Variants in TBC1D1 observed in about 807,000 individuals in gnomAD.
The protein encoded by TBC1D1 is TBC1 domain family member 1.
In TBC1D1, 89 loss-of-function variants were observed where a neutral mutation model predicts 125.6. The observed-to-expected ratio is 0.71, with a 90% CI of 0.60 to 0.85. The LOEUF is 0.85. Ranked by LOEUF, TBC1D1 falls within the 40% of genes least tolerant of loss-of-function variation. TBC1D1 has a pLI of 0.00. For missense variants in TBC1D1, 1,377 were observed against 1,469.2 expected (o/e 0.94, Z 1.03); for synonymous variants, 565 against 564.1 (o/e 1.00, Z -0.02).
intron 2 of TBC1D1, among the ~76,000 whole-genome samples, chr4:37,936,546 C>T (rs955272639): frequency 6.6e-6 from 1 of 152,142 alleles, no homozygotes; most frequent in African/African-American, 2.4e-5. Context: ...TGATGAATGA[C>T]CATTCATGGA....
chr4:38,051,042 G>A (rs1225049015), intron 11 of TBC1D1, among the ~76,000 whole-genome samples: 1 of 152,196 alleles, frequency 6.6e-6, no homozygotes, highest in African/African-American at 2.4e-5. Context: ...CTTCTGTGCT[G>A]CCTCACCACT....
At chr4:37,938,296 A>G (rs1724817922) in intron 2 of TBC1D1, among the ~76,000 whole-genome samples, 1 of 152,194 alleles carries the variant, frequency 6.6e-6, no homozygotes, top group African/African-American at 2.4e-5. Context: ...TTAAAGAAAT[A>G]AGGTTCTAGA....
intron 6 of TBC1D1, among the ~76,000 whole-genome samples, chr4:38,025,775 G>A (rs192470662): frequency 2.0e-5 from 3 of 152,250 alleles, no homozygotes; most frequent in South Asian, 2.1e-4. Context: ...GTTTCGCTTC[G>A]GCATTTAAGT....
chr4:38,116,681 C>T (rs1763035781), intron 16 of TBC1D1, among the ~76,000 whole-genome samples: 1 of 152,216 alleles, frequency 6.6e-6, no homozygotes, highest in African/African-American at 2.4e-5. Context: ...TCAGAGAAAA[C>T]CAAACACAGT....
chr4:37,899,894 G>A (rs567733774), intron 1 of TBC1D1, among the ~76,000 whole-genome samples: 1 of 152,006 alleles, frequency 6.6e-6, no homozygotes, highest in Non-Finnish European at 1.5e-5. Flanking sequence ...GCCGAGGCGG[G>A]CGGAACACGA....
intron 1 of TBC1D1, among the ~76,000 whole-genome samples, chr4:37,901,393 G>A (rs190227213): frequency 2.0e-5 from 3 of 152,240 alleles, no homozygotes; most frequent in African/African-American, 7.2e-5. Context: ...CTGACCTCAG[G>A]TGATCCACCT....
intron 6 of TBC1D1, among the ~76,000 whole-genome samples, chr4:38,026,888 T>A (rs1356946974): frequency 6.6e-6 from 1 of 151,706 alleles, no homozygotes; most frequent in East Asian, 2.0e-4. Flanking sequence ...AAGTTATTAA[T>A]AAGCATGTGG....
chr4:38,028,110 A>AAAACAAAC (rs532025130), intron 7 of TBC1D1, among the ~76,000 whole-genome samples: 2 of 150,572 alleles, frequency 1.3e-5, no homozygotes, highest in African/African-American at 5.0e-5. Flanking sequence ...AGCTGCTAAA[A>AAAACAAAC]AAACAAACAA....
chr4:37,933,585 T>G (rs1164256515), intron 2 of TBC1D1, among the ~76,000 whole-genome samples: 1 of 152,170 alleles, frequency 6.6e-6, no homozygotes, highest in Admixed American at 6.5e-5. Flanking sequence ...TCACCATTTG[T>G]AAACTGGGAA....
intron 2 of TBC1D1, among the ~76,000 whole-genome samples, chr4:37,917,813 A>C (rs955446228): frequency 6.6e-6 from 1 of 152,204 alleles, no homozygotes; most frequent in Non-Finnish European, 1.5e-5. Flanking sequence ...ATGATCATTT[A>C]GATTTTTCCA....
At chr4:38,128,843 G>A (rs1342822802) in intron 18 of TBC1D1, among the ~76,000 whole-genome samples, 1 of 152,192 alleles carries the variant, frequency 6.6e-6, no homozygotes, top group Non-Finnish European at 1.5e-5. Flanking sequence ...TGGAAACTTT[G>A]GGAATAATTA....
At position 38,035,714 on chromosome 4, in the gene TBC1D1, C is replaced by G. The variant is rs776658191; in HGVS notation, c.1413+16C>G. The G allele has an allele frequency of 2.5e-6, 4 of 1,583,386 alleles. No individual in the cohort carries two copies. The highest frequency in any genetic ancestry group is 3.4e-5 in the Admixed American group (2 of 59,358). On this transcript the variant is annotated intron_variant, in intron 8 of 19. Coordinates refer to ENST00000261439, the MANE Select transcript of TBC1D1 (RefSeq NM_015173.4). ...GATGAAGCAGGTATGGCATTTTTGT[C>G]TCTTGTAATTGTTGCCAAGTCTCTG...
Position 37,964,890 on chromosome 4 carries a change from C to G in TBC1D1, c.418-49619C>G, listed in dbSNP as rs546377524. ...AGGCCAAGCTCCTTCCCTGACAGAG[C>G]CTGCTATTGGCAGGAAGCTGCCAGA... On this transcript the variant is annotated intron_variant, in intron 2 of 19. Coordinates refer to ENST00000261439, the MANE Select transcript of TBC1D1 (RefSeq NM_015173.4). Among the ~76,000 whole-genome samples the G allele has an allele frequency of 4.6e-5, 7 of 152,372 alleles. No individual in the cohort carries two copies. In the East Asian group the frequency reaches 1.3e-3, roughly 29 times the overall value.
intron 7 of TBC1D1, among the ~76,000 whole-genome samples, chr4:38,032,523 A>G (rs972782293): frequency 5.3e-5 from 8 of 152,190 alleles, no homozygotes; most frequent in Admixed American, 2.0e-4. Context: ...ATGTTCATAA[A>G]GTTAAATCAC....
chr4:38,053,405 C>T (rs1344232661), intron 11 of TBC1D1, among the ~76,000 whole-genome samples, 180 bp downstream of exon 13: 1 of 152,172 alleles, frequency 6.6e-6, no homozygotes, highest in Non-Finnish European at 1.5e-5. Context: ...GTGCAACCAA[C>T]CTGTTCTCTA....
intron 2 of TBC1D1, among the ~76,000 whole-genome samples, chr4:37,972,694 T>C (rs185465854): frequency 0.011 from 1,602 of 151,572 alleles, 28 homozygotes; most frequent in East Asian, 0.072. Flanking sequence ...TCACCTGAGG[T>C]CAGGAGTTCG....
chr4:37,974,567 G>GT (rs1210385935), intron 2 of TBC1D1, among the ~76,000 whole-genome samples: 4 of 141,730 alleles, frequency 2.8e-5, no homozygotes, highest in Non-Finnish European at 4.6e-5. Flanking sequence ...TCTCCATGCT[G>GT]TTTTTTTTGA....
At chr4:38,052,200 CGCGTGT>C (rs1185343082) in intron 11 of TBC1D1, 140 bp downstream of exon 12, 1 of 641,198 alleles carries the variant, frequency 1.6e-6, no homozygotes, top group Non-Finnish European at 2.5e-6. Flanking sequence ...TGTGTGCGCG[CGCGTGT>C]GTGTCTTTGT....
At chr4:38,045,948 A>C in intron 10 of TBC1D1, 45 bp downstream of exon 10, 1 of 1,530,420 alleles carries the variant, frequency 6.5e-7, no homozygotes, top group Non-Finnish European at 9.1e-7. Flanking sequence ...AAACCAACAA[A>C]TAGGTCTTGC....
Sources: gnomAD v4.1 joint callset for allele counts (sites outside exome capture counted in the v4.1 genomes callset) on GRCh38, gnomAD v4.1.1 for gene constraint, MANE v1.5 for transcripts, NCBI Gene and HGNC (gene_info 2026-07-23, HGNC 2026-07-21) for gene names.